The following FRK variants were observed in gnomAD, a reference collection of about 807,000 sequenced individuals.
FRK encodes the protein fyn related Src family tyrosine kinase.
A neutral mutation model predicts 56.4 loss-of-function variants in FRK; 51 were observed. That is an observed-to-expected ratio of 0.90 (90% CI 0.72 to 1.14). FRK has a LOEUF of 1.14. Among genes scored for constraint, FRK ranks in the 50% most tolerant of loss-of-function variants. The pLI, the probability that FRK is intolerant of heterozygous loss-of-function variation, is 0.00. For missense variants in FRK, 570 were observed against 601.4 expected (o/e 0.95, Z 0.55); for synonymous variants, 245 against 217.9 (o/e 1.12, Z -1.10).
At chr6:116,040,751 G>A (rs923072723) in intron 1 of FRK, among the ~76,000 whole-genome samples, 3 of 152,050 alleles carry the variant, frequency 2.0e-5, no homozygotes, top group African/African-American at 2.4e-5. Flanking sequence ...CAATGGAAAC[G>A]GGAAGAATTC....
At chr6:116,021,657 A>T (rs1281731791) in intron 1 of FRK, among the ~76,000 whole-genome samples, 1 of 152,108 alleles carries the variant, frequency 6.6e-6, no homozygotes, top group Non-Finnish European at 1.5e-5. Flanking sequence ...TGTCACTTTA[A>T]AATCTCTTAA....
chr6:115,942,721 A>C lies in FRK; in HGVS notation c.1307-96T>G, dbSNP rs1230179755. 4 of 1,079,836 alleles carry C rather than the reference A, an allele frequency of 3.7e-6. No individual in the cohort carries two copies. The Admixed American group carries it at 6.6e-5, about 18-fold the overall frequency. The allele number at this position is 1,079,836 out of a possible 1,614,324, so 66.9% of individuals were successfully genotyped here. A position where few individuals can be genotyped will look rare whatever the true frequency, so the allele number is the denominator to read the frequency against. ...CCATTTATACTCTAGGTTACTAAGTAAGTCAATTTCTTTGGCAAAGATTTA... is the reference window on the plus strand; with the variant it reads ...CCATTTATACTCTAGGTTACTAAGTCAGTCAATTTCTTTGGCAAAGATTTA... On this transcript the variant is annotated intron_variant, in intron 7 of 7. Coordinates refer to ENST00000606080, the MANE Select transcript of FRK (RefSeq NM_002031.3).
chr6:116,082,022 T>C, the FRK span, among the ~76,000 whole-genome samples: 5 of 152,124 alleles, frequency 3.3e-5, no homozygotes, highest in East Asian at 1.9e-4. Flanking sequence ...TGTGGGAAAT[T>C]TGAAATCTAA....
chr6:115,968,488 C>A lies in FRK; in HGVS notation c.630+88G>T, dbSNP rs1019065976. The A allele has an allele frequency of 3.4e-6, 5 of 1,467,352 alleles. No homozygotes were observed. The African/African-American group carries it at 4.3e-5, about 12-fold the overall frequency. The allele number at this position is 1,467,352 out of a possible 1,614,324, so 90.9% of individuals were successfully genotyped here. On this transcript the variant is annotated intron_variant, in intron 3 of 7. Transcript: ENST00000606080. The stretch of plus-strand genomic sequence containing the variant: ...AGGTAATAAAATGACAATTTTTTTC[C>A]TGAACTGATATTCCATGAAAAATAC...
At chr6:116,088,287 G>A in the FRK span, among the ~76,000 whole-genome samples, 9 of 152,262 alleles carry the variant, frequency 5.9e-5, no homozygotes, top group Middle Eastern at 6.8e-3. Flanking sequence ...ATGCAGTAAA[G>A]TAACTTTTGA....
chr6:116,047,744 T>C (rs534475035), intron 1 of FRK, among the ~76,000 whole-genome samples: 1 of 152,344 alleles, frequency 6.6e-6, no homozygotes, highest in Non-Finnish European at 1.5e-5. Context: ...TCTCTTCACA[T>C]AGTCTCACTT....
At chr6:115,991,028 T>A (rs1468977675) in intron 2 of FRK, among the ~76,000 whole-genome samples, 1 of 151,754 alleles carries the variant, frequency 6.6e-6, no homozygotes, top group African/African-American at 2.4e-5. Flanking sequence ...ACCTTTGTTG[T>A]GGCTATTGCA....
At chr6:116,053,915 C>T (rs1164870678) in intron 1 of FRK, among the ~76,000 whole-genome samples, 1 of 152,142 alleles carries the variant, frequency 6.6e-6, no homozygotes, top group South Asian at 2.1e-4. Flanking sequence ...TGTAATCAAG[C>T]TTTACTGCTA....
At chr6:115,944,495 A>AT (rs1263558619) in intron 5 of FRK, 70 bp from the exon 6 acceptor site, 6 of 1,238,526 alleles carry the variant, frequency 4.8e-6, no homozygotes, top group Non-Finnish European at 6.8e-6. Flanking sequence ...AATTCTGAGA[A>AT]TTTTGAATGT....
intron 4 of FRK, among the ~76,000 whole-genome samples, chr6:115,966,223 C>T (rs1013172212): frequency 6.6e-6 from 1 of 152,112 alleles, no homozygotes; most frequent in African/African-American, 2.4e-5. Flanking sequence ...CCCTGGGACA[C>T]TGCACAATTT....
intron 2 of FRK, among the ~76,000 whole-genome samples, chr6:116,003,623 G>A (rs991382344): frequency 1.3e-5 from 2 of 152,162 alleles, no homozygotes; most frequent in Non-Finnish European, 2.9e-5. Context: ...GTTAGAAACT[G>A]TCAGCAGATC....
chr6:115,950,773 T>A (rs1772712210), intron 5 of FRK, among the ~76,000 whole-genome samples: 1 of 152,208 alleles, frequency 6.6e-6, no homozygotes, highest in Admixed American at 6.5e-5. Context: ...CCAACCCAGA[T>A]GCCCATCAAT....
chr6:116,024,944 T>C (rs901513504), intron 1 of FRK, among the ~76,000 whole-genome samples: 18 of 152,170 alleles, frequency 1.2e-4, no homozygotes, highest in Non-Finnish European at 2.4e-4. Context: ...CCTGACTTTT[T>C]AATGATTGCC....
At chr6:116,009,516 A>G (rs927182828) in intron 1 of FRK, among the ~76,000 whole-genome samples, 1 of 152,228 alleles carries the variant, frequency 6.6e-6, no homozygotes, top group Admixed American at 6.5e-5. Flanking sequence ...GCAAAAAAGT[A>G]TCCAGTAAAA....
chr6:116,031,157 G>T (rs568202641), intron 1 of FRK, among the ~76,000 whole-genome samples: 1 of 152,116 alleles, frequency 6.6e-6, no homozygotes, highest in Admixed American at 6.6e-5. Flanking sequence ...TAAGATGAGG[G>T]TTAAATTATG....
At chr6:116,077,963 C>T in the FRK span, among the ~76,000 whole-genome samples, 2 of 152,274 alleles carry the variant, frequency 1.3e-5, no homozygotes, top group African/African-American at 2.4e-5. Flanking sequence ...AGTTCAAGAC[C>T]AGCCTGGCCA....
At chr6:115,998,763 G>T (rs558633883) in intron 2 of FRK, among the ~76,000 whole-genome samples, 1 of 152,162 alleles carries the variant, frequency 6.6e-6, no homozygotes, top group Non-Finnish European at 1.5e-5. Flanking sequence ...ACTGAATGCC[G>T]TTGAAGAAAT....
chr6:116,033,398 A>G (rs1274849307), intron 1 of FRK, among the ~76,000 whole-genome samples: 1 of 152,144 alleles, frequency 6.6e-6, no homozygotes, highest in Non-Finnish European at 1.5e-5. Context: ...CCCATAGATC[A>G]GTGGTTCAGG....
At chr6:115,992,055 C>G (rs1206392390) in intron 2 of FRK, among the ~76,000 whole-genome samples, 1 of 151,590 alleles carries the variant, frequency 6.6e-6, no homozygotes, top group Non-Finnish European at 1.5e-5. Flanking sequence ...AATCTTCTCT[C>G]TCTCTTTTTG....
Sources: gnomAD v4.1 joint callset for allele counts (sites outside exome capture counted in the v4.1 genomes callset) on GRCh38, gnomAD v4.1.1 for gene constraint, MANE v1.5 for transcripts, NCBI Gene and HGNC (gene_info 2026-07-23, HGNC 2026-07-21) for gene names.